Variants in EDDM3A observed in about 807,000 individuals in gnomAD.
EDDM3A encodes the protein epididymal secretory protein E3-alpha.
For synonymous variants in EDDM3A, 75 were observed against 60.4 expected (o/e 1.24, Z -1.12); for missense variants, 199 against 177.4 (o/e 1.12, Z -0.69).
At chr14:20,744,315 G>A (rs575895063), upstream of EDDM3A, among the ~76,000 whole-genome samples, 4 of 152,312 alleles carry the variant, frequency 2.6e-5, no homozygotes, top group Non-Finnish European at 4.4e-5. Flanking sequence ...TCACAGGAGT[G>A]GGGGTTTGAA....
upstream of EDDM3A, among the ~76,000 whole-genome samples, chr14:20,742,406 T>C (rs1377119766): frequency 1.3e-5 from 2 of 152,202 alleles, no homozygotes; most frequent in African/African-American, 4.8e-5. Context: ...GCGTAAGAAA[T>C]CTTATCTGGA....
chr14:20,742,491 T>C (rs1877463727), upstream of EDDM3A, among the ~76,000 whole-genome samples: 8 of 152,394 alleles, frequency 5.2e-5, no homozygotes, highest in South Asian at 1.7e-3. Context: ...AATCCTCGTG[T>C]AACCACGATA....
At chr14:20,736,282 G>A in the EDDM3A span, among the ~76,000 whole-genome samples, 3 of 152,046 alleles carry the variant, frequency 2.0e-5, no homozygotes, top group African/African-American at 7.2e-5. Context: ...GCTAATTTTT[G>A]TATTTTTAGT....
At chr14:20,744,979 T>C (rs934863466), upstream of EDDM3A, among the ~76,000 whole-genome samples, 2 of 152,070 alleles carry the variant, frequency 1.3e-5, no homozygotes, top group African/African-American at 4.8e-5. Context: ...CCAGCACTTT[T>C]AGAGGCTGAT....
At position 20,747,571 on chromosome 14, in the gene EDDM3A, G is replaced by T; in HGVS notation, c.-10G>T. 6.3e-7 allele frequency: 1 copy of T among 1,589,030 alleles called. No homozygotes were observed. The highest frequency in any genetic ancestry group is 8.6e-7 in the Non-Finnish European group (1 of 1,167,346). On this transcript the variant is annotated 5_prime_UTR_variant, in exon 2 of 2. Coordinates refer to ENST00000326842, the MANE Select transcript of EDDM3A (RefSeq NM_006683.5). ...TCCCTGTAGACACGCAGGTGGACGT[G>T]GTGACTGAGATGACATCCTCTCTAA... is the stretch of plus-strand genomic sequence containing the variant.
At chr14:20,737,019 T>TG in the EDDM3A span, among the ~76,000 whole-genome samples, 1 of 150,698 alleles carries the variant, frequency 6.6e-6, no homozygotes, top group Non-Finnish European at 1.5e-5. Flanking sequence ...GGCCTAGAGA[T>TG]GCAGACTTCT....
rs777345529 is a variant in EDDM3A at position 20,747,656 on chromosome 14, A to C, written c.76A>C (p.Asn26His). The C allele has an allele frequency of 3.3e-5, 53 of 1,614,070 alleles. 1 individual carries two copies. In the South Asian group the frequency reaches 5.8e-4, roughly 18 times the overall value. The change falls in exon 2 of 2, where the codon AAC becomes CAC. Residue 26 changes from asparagine to histidine, a missense_variant. Coordinates refer to ENST00000326842, the MANE Select transcript of EDDM3A (RefSeq NM_006683.5). The stretch of plus-strand genomic sequence containing the variant: ...CCTTTGCAGGCTGTGTGTATACAGT[A>C]ACAACATTTACTGGAGAGAATTCAT... ...CILCRLCVYS[N>H]NIYWREFIKL...
At chr14:20,741,594 C>T (rs1009564943), upstream of EDDM3A, among the ~76,000 whole-genome samples, 8 of 152,084 alleles carry the variant, frequency 5.3e-5, no homozygotes, top group Admixed American at 1.3e-4. Flanking sequence ...ACTCCATGTG[C>T]CAACTACAGA....
upstream of EDDM3A, among the ~76,000 whole-genome samples, chr14:20,742,660 C>CA: frequency 6.6e-6 from 1 of 152,056 alleles, no homozygotes; most frequent in East Asian, 1.9e-4. Flanking sequence ...TATCATAGCT[C>CA]AGTCCAGCCT....
the EDDM3A span, among the ~76,000 whole-genome samples, chr14:20,738,673 G>A: frequency 0.046 from 7,070 of 152,092 alleles, 199 homozygotes; most frequent in Middle Eastern, 0.095. Flanking sequence ...CAGATTAACG[G>A]AAGAAAAACA....
At chr14:20,745,207 C>T (rs1877545594), upstream of EDDM3A, among the ~76,000 whole-genome samples, 1 of 135,712 alleles carries the variant, frequency 7.4e-6, no homozygotes, top group African/African-American at 2.8e-5. Flanking sequence ...GCCTGGGCGA[C>T]AGAGCAAGAC....
chr14:20,737,684 TG>T, the EDDM3A span, among the ~76,000 whole-genome samples: 1 of 152,222 alleles, frequency 6.6e-6, no homozygotes, highest in Non-Finnish European at 1.5e-5. Context: ...GGGAGAAGGT[TG>T]GAGGACTTTA....
chr14:20,742,580 T>A (rs1197274065), upstream of EDDM3A, among the ~76,000 whole-genome samples: 1 of 152,106 alleles, frequency 6.6e-6, no homozygotes, highest in Non-Finnish European at 1.5e-5. Context: ...GGTTTTTTTT[T>A]AGTTTTTGTT....
upstream of EDDM3A, among the ~76,000 whole-genome samples, chr14:20,743,164 CGTT>C (rs1174620906): frequency 6.6e-6 from 1 of 152,208 alleles, no homozygotes; most frequent in Non-Finnish European, 1.5e-5. Flanking sequence ...CACCTATAGA[CGTT>C]GTCATCCCCT....
At chr14:20,737,779 T>C in the EDDM3A span, among the ~76,000 whole-genome samples, 5 of 152,258 alleles carry the variant, frequency 3.3e-5, no homozygotes, top group East Asian at 3.9e-4. Flanking sequence ...GAAAGACACG[T>C]TGGGTTCACA....
intron 1 of EDDM3A, among the ~76,000 whole-genome samples, chr14:20,746,915 G>T (rs967921343): frequency 1.3e-5 from 2 of 152,064 alleles, no homozygotes; most frequent in African/African-American, 4.8e-5. Context: ...TTTTCTATTG[G>T]ACACATGATC....
At chr14:20,740,488 G>T in the EDDM3A span, among the ~76,000 whole-genome samples, 1 of 152,128 alleles carries the variant, frequency 6.6e-6, no homozygotes, top group East Asian at 1.9e-4. Context: ...CTCCTGATCT[G>T]CTGGCCTTCT....
chr14:20,737,874 T>C, the EDDM3A span, among the ~76,000 whole-genome samples: 5 of 152,214 alleles, frequency 3.3e-5, no homozygotes, highest in African/African-American at 7.2e-5. Context: ...TATAATTTTG[T>C]CCAGGTCCGG....
chr14:20,738,469 CAAAATAAAT>C, the EDDM3A span, among the ~76,000 whole-genome samples: 4 of 92,522 alleles, frequency 4.3e-5, no homozygotes, highest in Admixed American at 1.2e-4. Context: ...GACTCTGTCT[CAAAATAAAT>C]AAATAAATAA....
Sources: gnomAD v4.1 joint callset for allele counts (sites outside exome capture counted in the v4.1 genomes callset) on GRCh38, gnomAD v4.1.1 for gene constraint, MANE v1.5 for transcripts, NCBI Gene and HGNC (gene_info 2026-07-23, HGNC 2026-07-21) for gene names.